The following C8orf34 variants were observed in gnomAD, a reference collection of about 807,000 sequenced individuals.
The protein encoded by C8orf34 is uncharacterized protein C8orf34.
In C8orf34, 65 loss-of-function variants were observed where a neutral mutation model predicts 68.3. The ratio of observed to expected loss-of-function variants is 0.95; its 90% CI spans 0.78 to 1.17. C8orf34 has a LOEUF of 1.17. Among genes scored for constraint, C8orf34 ranks in the 50% most tolerant of loss-of-function variants. The pLI, the probability that C8orf34 is intolerant of heterozygous loss-of-function variation, is 0.00. For synonymous variants in C8orf34, 244 were observed against 241.2 expected (o/e 1.01, Z -0.11); for missense variants, 664 against 655.4 (o/e 1.01, Z -0.14).
intron 12 of C8orf34, among the ~76,000 whole-genome samples, chr8:68,814,158 G>A (rs529465726): frequency 5.3e-4 from 80 of 152,242 alleles, no homozygotes; most frequent in African/African-American, 1.9e-3. Context: ...ACTGAACAGT[G>A]ATGCTCAAAG....
intron 12 of C8orf34, among the ~76,000 whole-genome samples, chr8:68,793,829 T>C (rs1194151114): frequency 1.3e-5 from 2 of 151,942 alleles, no homozygotes; most frequent in East Asian, 3.9e-4. Flanking sequence ...AGTTGAAGAT[T>C]AAAAAAATTA....
chr8:68,780,934 C>T (rs1823657459), intron 11 of C8orf34, among the ~76,000 whole-genome samples: 3 of 152,128 alleles, frequency 2.0e-5, no homozygotes, highest in Admixed American at 6.5e-5. Context: ...GGAAGCAGTC[C>T]ATTACATGTA....
chr8:68,450,869 C>T (rs956380609), intron 3 of C8orf34, among the ~76,000 whole-genome samples: 5 of 152,032 alleles, frequency 3.3e-5, no homozygotes, highest in Non-Finnish European at 7.4e-5. Context: ...CTGCATTAGC[C>T]CCTGATAAGA....
At chr8:68,389,080 G>A (rs1259101545) in intron 1 of C8orf34, among the ~76,000 whole-genome samples, 2 of 152,086 alleles carry the variant, frequency 1.3e-5, no homozygotes, top group Non-Finnish European at 2.9e-5. Flanking sequence ...TGCTAGTAGG[G>A]TCTGGCATTC....
intron 7 of C8orf34, among the ~76,000 whole-genome samples, chr8:68,548,095 G>A (rs1815946483): frequency 6.6e-6 from 1 of 151,648 alleles, no homozygotes; most frequent in African/African-American, 2.4e-5. Context: ...GAAACTTCCA[G>A]AGAAAATGTA....
intron 2 of C8orf34, among the ~76,000 whole-genome samples, chr8:68,444,992 A>G (rs1811060728): frequency 6.6e-6 from 1 of 152,236 alleles, no homozygotes; most frequent in African/African-American, 2.4e-5. Context: ...GATGACTCCA[A>G]GGTTGAGGTG....
chr8:68,613,864 C>T (rs552422003), intron 7 of C8orf34, among the ~76,000 whole-genome samples: 60 of 152,240 alleles, frequency 3.9e-4, no homozygotes, highest in South Asian at 2.9e-3. Context: ...GGAATCGCCA[C>T]ACTGACTTCC....
At chr8:68,510,375 A>T (rs1389448138) in intron 5 of C8orf34, among the ~76,000 whole-genome samples, 1 of 152,096 alleles carries the variant, frequency 6.6e-6, no homozygotes, top group Non-Finnish European at 1.5e-5. Context: ...AGGGATAGGC[A>T]TCCTATTTAT....
At chr8:68,591,480 G>C (rs1224417895) in intron 7 of C8orf34, among the ~76,000 whole-genome samples, 1 of 152,162 alleles carries the variant, frequency 6.6e-6, no homozygotes, top group Admixed American at 6.5e-5. Context: ...AACGAAAAAG[G>C]AATGTTTAAG....
intron 12 of C8orf34, among the ~76,000 whole-genome samples, chr8:68,789,877 T>C (rs1383422965): frequency 6.6e-6 from 1 of 152,236 alleles, no homozygotes; most frequent in Non-Finnish European, 1.5e-5. Context: ...TTTTGCTAAA[T>C]GGTCCATCAA....
At chr8:68,616,929 G>C (rs1254246777) in intron 7 of C8orf34, among the ~76,000 whole-genome samples, 9 of 152,090 alleles carry the variant, frequency 5.9e-5, no homozygotes, top group Admixed American at 1.3e-4. Context: ...GTCTAAGTCT[G>C]TTTGTAGGTC....
intron 3 of C8orf34, among the ~76,000 whole-genome samples, chr8:68,461,159 G>A (rs1291931804): frequency 1.3e-5 from 2 of 152,210 alleles, no homozygotes; most frequent in Non-Finnish European, 2.9e-5. Context: ...AGCCTCAGGA[G>A]CCAATGCGAT....
At chr8:68,425,791 T>C (rs541188513) in intron 1 of C8orf34, among the ~76,000 whole-genome samples, 1 of 150,364 alleles carries the variant, frequency 6.7e-6, no homozygotes, top group East Asian at 1.9e-4. Context: ...AAGATATGAC[T>C]ACAGAAATCA....
chr8:68,443,135 A>T (rs1810979908), intron 2 of C8orf34, among the ~76,000 whole-genome samples: 1 of 152,114 alleles, frequency 6.6e-6, no homozygotes, highest in Non-Finnish European at 1.5e-5. Context: ...GCTGCAGAGG[A>T]GGGAACGCTA....
At chr8:68,710,655 G>T (rs1233730045) in intron 9 of C8orf34, among the ~76,000 whole-genome samples, 1 of 152,062 alleles carries the variant, frequency 6.6e-6, no homozygotes, top group Non-Finnish European at 1.5e-5. Flanking sequence ...GAGCTCAGAC[G>T]CACCTATCTC....
intron 12 of C8orf34, among the ~76,000 whole-genome samples, 181 bp from the exon 13 acceptor site, chr8:68,815,705 A>G (rs1824790009): frequency 6.6e-6 from 1 of 152,206 alleles, no homozygotes. Flanking sequence ...AATGGAATGA[A>G]GATATACACA....
chr8:68,472,177 G>A lies in C8orf34; in HGVS notation c.736+3357G>A, dbSNP rs1812408084. Among the ~76,000 whole-genome samples the A allele has an allele frequency of 2.0e-5, 3 of 152,122 alleles. No homozygotes were observed. The South Asian group carries it at 6.2e-4, about 31-fold the overall frequency. On this transcript the variant is annotated intron_variant, in intron 4 of 13. Coordinates refer to ENST00000518698, the MANE Select transcript of C8orf34 (RefSeq NM_052958.4). ...GTTAGAATGATTCCAACAGTGGCTT[G>A]TATTGCCACATAGTCATGACGAAGT...
intron 7 of C8orf34, among the ~76,000 whole-genome samples, chr8:68,560,518 G>T (rs1004907638): frequency 6.6e-6 from 1 of 152,144 alleles, no homozygotes; most frequent in Non-Finnish European, 1.5e-5. Context: ...TTTAGTCTTT[G>T]TGTGAACATC....
intron 9 of C8orf34, among the ~76,000 whole-genome samples, chr8:68,709,563 G>T (rs1821273533): frequency 6.6e-6 from 1 of 151,870 alleles, no homozygotes; most frequent in Non-Finnish European, 1.5e-5. Flanking sequence ...GTATTAAATT[G>T]GTCTCCAATT....
Sources: gnomAD v4.1 joint callset for allele counts (sites outside exome capture counted in the v4.1 genomes callset) on GRCh38, gnomAD v4.1.1 for gene constraint, MANE v1.5 for transcripts, NCBI Gene and HGNC (gene_info 2026-07-23, HGNC 2026-07-21) for gene names.